The following RNF24 variants were observed in gnomAD, a reference collection of about 807,000 sequenced individuals.
RNF24 encodes the protein ring finger protein 24.
RNF24 carries 14 observed loss-of-function variants against 20.0 expected under a neutral mutation model. The ratio of observed to expected loss-of-function variants is 0.70; its 90% CI spans 0.46 to 1.10. The LOEUF (loss-of-function observed/expected upper bound fraction) is 1.10. Ranked by LOEUF, RNF24 falls within the 50% of genes least tolerant of loss-of-function variation. The probability of loss-of-function intolerance (pLI) is 0.00; values close to 1 mark genes in which losing one functional copy is unlikely to be tolerated. For synonymous variants in RNF24, 45 were observed against 61.1 expected (o/e 0.74, Z 1.23); for missense variants, 124 against 177.6 (o/e 0.70, Z 1.71).
intron 1 of RNF24, among the ~76,000 whole-genome samples, chr20:4,012,479 A>C (rs1191128671): frequency 4.6e-5 from 7 of 152,054 alleles, no homozygotes; most frequent in Non-Finnish European, 1.0e-4. Flanking sequence ...AGAATGCTCA[A>C]TGGAAAAATA....
At chr20:3,952,570 T>C (rs1164762877) in intron 2 of RNF24, among the ~76,000 whole-genome samples, 2 of 146,580 alleles carry the variant, frequency 1.4e-5, no homozygotes, top group Non-Finnish European at 3.0e-5. Flanking sequence ...TTTTCTTTTA[T>C]TCTTTTTTCC....
rs1305313626 is a variant in RNF24 at position 3,933,098 on chromosome 20, AAGAG to A, written c.*961_*964del. The A allele has an allele frequency of 3.2e-5, 12 of 377,206 alleles. No individual in the cohort carries two copies. Among genetic ancestry groups the A allele is most frequent in the South Asian group, 1.4e-4 (1 of 6,994 alleles). The allele number at this position is 377,206 out of a possible 1,614,324, so 23.4% of individuals were successfully genotyped here. A position where few individuals can be genotyped will look rare whatever the true frequency, so the allele number is the denominator to read the frequency against. ...TTTTTTTTTTTTTTTCTGAAGTAGAAAGAGAGATAGGGCAAGAGAGAGAAGAGAT... is the reference window on the plus strand; with the variant it reads ...TTTTTTTTTTTTTTTCTGAAGTAGAAAGATAGGGCAAGAGAGAGAAGAGAT... On this transcript the variant is annotated 3_prime_UTR_variant, in exon 6 of 6. Transcript: ENST00000358395.
intron 2 of RNF24, among the ~76,000 whole-genome samples, chr20:3,958,672 T>C (rs2091168913): frequency 6.6e-6 from 1 of 152,182 alleles, no homozygotes; most frequent in Non-Finnish European, 1.5e-5. Flanking sequence ...AGATGGAGTC[T>C]GCTCTGTTGC....
intron 1 of RNF24, among the ~76,000 whole-genome samples, chr20:3,998,076 T>A (rs1981034460): frequency 6.6e-6 from 1 of 152,258 alleles, no homozygotes; most frequent in Admixed American, 6.5e-5. Context: ...ACAGCTCATT[T>A]ATACTAATAT....
Position 3,979,597 on chromosome 20 carries a change from C to A in RNF24, c.-7-15573G>T, listed in dbSNP as rs150880411. The stretch of plus-strand genomic sequence containing the variant: ...GGCTGAGGCAGGAGAATCCCTTGAA[C>A]CCAGGAAGCAGAGGTTGCAGTGAGC... On this transcript the variant is annotated intron_variant, in intron 1 of 5. Coordinates refer to ENST00000358395, the MANE Select transcript of RNF24 (RefSeq NM_001134337.3). 1.1e-3 allele frequency among the ~76,000 whole-genome samples: 169 copies of A among 152,224 alleles called. 2 individuals carry two copies. The East Asian group carries it at 0.024, about 22-fold the overall frequency.
chr20:3,974,498 A>G (rs1978683549), intron 1 of RNF24: 1 of 1,187,720 alleles, frequency 8.4e-7, no homozygotes, highest in Non-Finnish European at 1.1e-6. Context: ...CATCTACAAC[A>G]ACAAAATCCC....
intron 1 of RNF24, among the ~76,000 whole-genome samples, chr20:3,966,355 G>A (rs1435371633): frequency 6.6e-6 from 1 of 151,918 alleles, no homozygotes; most frequent in Admixed American, 6.6e-5. Context: ...ATGGGATAAT[G>A]GGATATTCAA....
chr20:3,994,901 C>T (rs994552147), intron 1 of RNF24, among the ~76,000 whole-genome samples: 3 of 152,118 alleles, frequency 2.0e-5, no homozygotes, highest in Non-Finnish European at 4.4e-5. Flanking sequence ...GTTTAGTAAA[C>T]CACAAGCACT....
chr20:3,993,430 G>A (rs1219525522), intron 1 of RNF24, among the ~76,000 whole-genome samples: 1 of 152,062 alleles, frequency 6.6e-6, no homozygotes, highest in East Asian at 1.9e-4. Flanking sequence ...TGGATTACAG[G>A]AGCCCGTCAC....
chr20:4,000,365 G>T (rs1344353858), intron 1 of RNF24, among the ~76,000 whole-genome samples: 1 of 151,648 alleles, frequency 6.6e-6, no homozygotes, highest in East Asian at 1.9e-4. Flanking sequence ...CTCTACTAAA[G>T]ATACAAAAAA....
intron 1 of RNF24, among the ~76,000 whole-genome samples, chr20:3,966,904 C>T (rs981568968): frequency 1.3e-5 from 2 of 152,202 alleles, no homozygotes; most frequent in African/African-American, 4.8e-5. Flanking sequence ...GATGTTGAGA[C>T]TTTTGTGAGT....
rs553463198 is a variant in RNF24 at position 3,930,127 on chromosome 20, G to A, written c.*3936C>T. On this transcript the variant is annotated 3_prime_UTR_variant, in exon 6 of 6. Transcript: ENST00000358395. ...AGTAGGTATTCATGGAGTGAGGAGC[G>A]GAGCTTGCTAGGCATCAGGAACTCA... 6 of 152,224 alleles carry A rather than the reference G, an allele frequency of 3.9e-5. No individual in the cohort carries two copies. The highest frequency in any genetic ancestry group is 7.3e-5 in the Non-Finnish European group (5 of 68,040). 9.4% of individuals were successfully genotyped at this position (152,224 alleles called of 1,614,324 possible). A position where few individuals can be genotyped will look rare whatever the true frequency, so the allele number is the denominator to read the frequency against.
At chr20:3,945,068 A>C (rs2091000527) in intron 4 of RNF24, 109 bp downstream of exon 4, 12 of 1,415,122 alleles carry the variant, frequency 8.5e-6, no homozygotes, top group Non-Finnish European at 1.2e-5. Context: ...ACCCCAATCA[A>C]AATAAGCCTA....
intron 4 of RNF24, among the ~76,000 whole-genome samples, chr20:3,943,108 G>A (rs1402728109): frequency 6.6e-6 from 1 of 152,166 alleles, no homozygotes; most frequent in Non-Finnish European, 1.5e-5. Flanking sequence ...GAGCCACCCA[G>A]CCCGGCGAGA....
At chr20:4,006,944 G>A (rs1981921147) in intron 1 of RNF24, among the ~76,000 whole-genome samples, 1 of 152,176 alleles carries the variant, frequency 6.6e-6, no homozygotes, top group South Asian at 2.1e-4. Flanking sequence ...TGCACTAGTT[G>A]GAATGCTCAC....
intron 1 of RNF24, among the ~76,000 whole-genome samples, chr20:4,006,711 GC>G (rs1464018481): frequency 6.6e-6 from 1 of 152,200 alleles, no homozygotes; most frequent in East Asian, 1.9e-4. Context: ...CCTTGCCACT[GC>G]AGGCTTTCTC....
At chr20:3,965,968 T>C (rs541795357) in intron 1 of RNF24, among the ~76,000 whole-genome samples, 1 of 151,998 alleles carries the variant, frequency 6.6e-6, no homozygotes, top group Admixed American at 6.6e-5. Flanking sequence ...AATGTGTCTC[T>C]ACTAAAGATG....
intron 3 of RNF24, among the ~76,000 whole-genome samples, chr20:3,945,784 G>A (rs2091009602): frequency 6.6e-6 from 1 of 151,716 alleles, no homozygotes; most frequent in South Asian, 2.1e-4. Context: ...CCAGACAGTA[G>A]TTAAAATGAA....
chr20:3,980,484 T>A (rs531931174), intron 1 of RNF24, among the ~76,000 whole-genome samples: 1 of 152,310 alleles, frequency 6.6e-6, no homozygotes, highest in Non-Finnish European at 1.5e-5. Flanking sequence ...TTCATTACAC[T>A]ACTCAGAATG....
Sources: allele counts gnomAD v4.1 joint callset (sites outside exome capture counted in the v4.1 genomes callset), GRCh38; gene constraint gnomAD v4.1.1; transcripts MANE v1.5; gene names NCBI Gene and HGNC (gene_info 2026-07-23, HGNC 2026-07-21).